The following C1QL3 variants were observed in gnomAD, a reference collection of about 807,000 sequenced individuals.
C1QL3 encodes the protein complement C1q-like protein 3.
A neutral mutation model predicts 16.6 loss-of-function variants in C1QL3; 4 were observed. The ratio of observed to expected loss-of-function variants is 0.24; its 90% CI spans 0.12 to 0.55. C1QL3 has a LOEUF of 0.55. C1QL3 is among the 20% of genes least tolerant of loss of function. The pLI is 0.94. For synonymous variants in C1QL3, 189 were observed against 160.2 expected (o/e 1.18, Z -1.36); for missense variants, 269 against 365.6 (o/e 0.74, Z 2.16).
intron 1 of C1QL3, among the ~76,000 whole-genome samples, chr10:16,517,405 A>G (rs1428566964): frequency 6.6e-6 from 1 of 152,120 alleles, no homozygotes; most frequent in Non-Finnish European, 1.5e-5. Context: ...AAGAGTACCA[A>G]CTGGTCTTTA....
Position 16,519,140 on chromosome 10 carries a change from C to CTGTTTTTTTTT in C1QL3, c.588+1337_588+1338insAAAAAAAAACA, listed in dbSNP as rs1836996489. Among the ~76,000 whole-genome samples, 4 of 39,474 alleles carry CTGTTTTTTTTT rather than the reference C, an allele frequency of 1.0e-4. 1 individual carries two copies. The highest frequency in any genetic ancestry group is 6.2e-4 in the African/African-American group (4 of 6,470). The allele number at this position is 39,474 out of a possible 152,430, so 25.9% of individuals were successfully genotyped here. A position where few individuals can be genotyped will look rare whatever the true frequency, so the allele number is the denominator to read the frequency against. Reference sequence around the variant, plus strand: ...TTTTTTCTCTCTTACGCATTTAGGACTTTTTTTTTTTTTTTTTTGGTCTTT... The same window carrying CTGTTTTTTTTT: ...TTTTTTCTCTCTTACGCATTTAGGACTGTTTTTTTTTTTTTTTTTTTTTTTTTTTGGTCTTT... On this transcript the variant is annotated intron_variant, in intron 1 of 1. Coordinates refer to ENST00000298943, the MANE Select transcript of C1QL3 (RefSeq NM_001010908.2).
In C1QL3 at chr10:16,514,627, C is replaced by G; in HGVS notation, c.669G>C (p.Pro223=). 6.2e-7 allele frequency: 1 copy of G among 1,613,750 alleles called. No homozygotes were observed. Among genetic ancestry groups the G allele is most frequent in the Non-Finnish European group, 8.5e-7 (1 of 1,179,670 alleles). Residue 223 remains proline, a synonymous_variant, in exon 2 of 2, where the codon CCG becomes CCC. Transcript: ENST00000298943. ...CTAATTTGATATAGACTTCATCTCC[C>G]GGCTCCAAATGAAGAACCACACTGT... The part of the protein sequence containing the change: ...ASNSVVLHLE[P]GDEVYIKLDG...
chr10:16,519,377 A>G (rs1050795626), intron 1 of C1QL3, among the ~76,000 whole-genome samples: 2 of 151,694 alleles, frequency 1.3e-5, no homozygotes, highest in Non-Finnish European at 1.5e-5. Flanking sequence ...ATGCCACTCA[A>G]TAAGCAAAGT....
In C1QL3 at chr10:16,521,119, G is replaced by T. The variant is rs1188192822; in HGVS notation, c.-54C>A. 3 of 1,478,710 alleles carry T rather than the reference G, an allele frequency of 2.0e-6. No homozygotes were observed. The highest frequency in any genetic ancestry group is 2.8e-6 in the Non-Finnish European group (3 of 1,090,296). The allele number at this position is 1,478,710 out of a possible 1,614,324, so 91.6% of individuals were successfully genotyped here. A position where few individuals can be genotyped will look rare whatever the true frequency, so the allele number is the denominator to read the frequency against. On this transcript the variant is annotated 5_prime_UTR_variant, in exon 1 of 2. Transcript: ENST00000298943. ...AGGCGCCTCCTGCTGCCCACCAGCC[G>T]GCTCAGCGCGGGGCGATCCTCTTGT...
Position 16,519,299 on chromosome 10 carries a change from G to A in C1QL3, c.588+1179C>T, listed in dbSNP as rs1287738150. Among the ~76,000 whole-genome samples the A allele has an allele frequency of 2.0e-5, 3 of 151,544 alleles. No individual in the cohort carries two copies. The East Asian group carries it at 5.9e-4, about 30-fold the overall frequency. ...AGTTACCTAAAGCCCAATAGACCTC[G>A]TTAAGTCAAAGTTGCTGCAGGAGAG... On this transcript the variant is annotated intron_variant, in intron 1 of 1. Coordinates refer to ENST00000298943, the MANE Select transcript of C1QL3 (RefSeq NM_001010908.2).
chr10:16,516,029 G>C (rs540223729), intron 1 of C1QL3, among the ~76,000 whole-genome samples: 2 of 152,052 alleles, frequency 1.3e-5, no homozygotes, highest in African/African-American at 4.8e-5. Context: ...ATAGTCTCAC[G>C]TTAATGCTGA....
Position 16,520,762 on chromosome 10 carries a change from G to T in C1QL3, c.304C>A (p.Pro102Thr). The T allele has an allele frequency of 1.5e-6, 2 of 1,314,708 alleles. No individual in the cohort carries two copies. The highest frequency in any genetic ancestry group is 5.1e-5 in the South Asian group (2 of 39,478). 81.4% of individuals were successfully genotyped at this position (1,314,708 alleles called of 1,614,324 possible). A position where few individuals can be genotyped will look rare whatever the true frequency, so the allele number is the denominator to read the frequency against. The change falls in exon 1 of 2, where the codon CCG becomes ACG. Residue 102 changes from proline to threonine, a missense_variant. Transcript: ENST00000298943. The surrounding 1 kb of genome is among the most constrained non-coding windows in gnomAD (Gnocchi z 8.3). ...AGGCCGGGCGCCCCGGGCGGGCCCG[G>T]CAGGCCTTGGCGGCCCGGCTCGCCC... ...EKGEPGRQGLPGPPGAPGLNA... is the reference protein window; with the variant it reads ...EKGEPGRQGLTGPPGAPGLNA...
At chr10:16,515,765 T>A (rs947608438) in intron 1 of C1QL3, among the ~76,000 whole-genome samples, 1 of 152,208 alleles carries the variant, frequency 6.6e-6, no homozygotes, top group Admixed American at 6.5e-5. Flanking sequence ...TAGATTTGAT[T>A]TATTTCAGTA....
In C1QL3 at chr10:16,514,511, G is replaced by C. The variant is rs377239962; in HGVS notation, c.*17C>G. 2 of 1,606,026 alleles carry C rather than the reference G, an allele frequency of 1.2e-6. No individual in the cohort carries two copies. The highest frequency in any genetic ancestry group is 1.7e-6 in the Non-Finnish European group (2 of 1,173,988). ...CCAGTGTTCAAACTCAGAATAATAA[G>C]CTTAGTTTCTGCATTATCAGTCAGC... is the stretch of plus-strand genomic sequence containing the variant. On this transcript the variant is annotated 3_prime_UTR_variant, in exon 2 of 2. Coordinates refer to ENST00000298943, the MANE Select transcript of C1QL3 (RefSeq NM_001010908.2).
chr10:16,514,564 G>A lies in C1QL3; in HGVS notation c.732C>T (p.Tyr244=), dbSNP rs1373297037. The A allele has an allele frequency of 6.2e-7, 1 of 1,613,848 alleles. No individual in the cohort carries two copies. Among genetic ancestry groups the A allele is most frequent in the South Asian group, 1.1e-5 (1 of 91,052 alleles). ...GKAHGGNNNK[Y]STFSGFIIYA... is the part of the protein sequence containing the mutation. Reference sequence around the variant, plus strand: ...AAATAATAAATCCAGAAAACGTGCTGTATTTGTTGTTGTTTCCTCCATGGG... The same window carrying A: ...AAATAATAAATCCAGAAAACGTGCTATATTTGTTGTTGTTTCCTCCATGGG... Residue 244 remains tyrosine (Y), a synonymous_variant, in exon 2 of 2, where the codon TAC becomes TAT. Coordinates refer to ENST00000298943, the MANE Select transcript of C1QL3 (RefSeq NM_001010908.2).
At chr10:16,519,609 A>G (rs1460333542) in intron 1 of C1QL3, among the ~76,000 whole-genome samples, 1 of 152,102 alleles carries the variant, frequency 6.6e-6, no homozygotes. Flanking sequence ...ACCCATGCGT[A>G]GCCCTTGTAG....
intron 1 of C1QL3, among the ~76,000 whole-genome samples, chr10:16,515,105 T>A (rs1836929351): frequency 6.6e-6 from 1 of 152,116 alleles, no homozygotes; most frequent in African/African-American, 2.4e-5. Context: ...TCTAATCAGC[T>A]GTTTATGAGT....
At position 16,513,803 on chromosome 10, in the gene C1QL3, A is replaced by T. The variant is rs4747277; in HGVS notation, c.*725T>A. On this transcript the variant is annotated 3_prime_UTR_variant, in exon 2 of 2. Transcript: ENST00000298943. ...TAAGGGCTTTTTCTAAATACCGTAC[A>T]TAATTACACATTTTCACACTTAGAG... 6.5e-6 allele frequency: 1 copy of T among 152,724 alleles called. No homozygotes were observed. Among genetic ancestry groups the T allele is most frequent in the South Asian group, 2.1e-4 (1 of 4,822 alleles). The allele number at this position is 152,724 out of a possible 1,614,324, so 9.5% of individuals were successfully genotyped here. A position where few individuals can be genotyped will look rare whatever the true frequency, so the allele number is the denominator to read the frequency against.
intron 1 of C1QL3, among the ~76,000 whole-genome samples, chr10:16,516,872 T>C (rs751091410): frequency 2.2e-4 from 34 of 152,184 alleles, no homozygotes; most frequent in Non-Finnish European, 4.1e-4. Context: ...TGCTTTTTAA[T>C]GAATGTAATT....
At chr10:16,515,203 A>G (rs1043064801) in intron 1 of C1QL3, among the ~76,000 whole-genome samples, 2 of 150,792 alleles carry the variant, frequency 1.3e-5, no homozygotes, top group Non-Finnish European at 2.9e-5. Context: ...GGAAAATACC[A>G]ACTCCTCTAC....
In C1QL3 at chr10:16,514,084, G is replaced by A; in HGVS notation, c.*444C>T. 2.7e-6 allele frequency: 1 copy of A among 376,672 alleles called. No individual in the cohort carries two copies. The highest frequency in any genetic ancestry group is 4.7e-6 in the Non-Finnish European group (1 of 212,094). 23.3% of individuals were successfully genotyped at this position (376,672 alleles called of 1,614,324 possible). On this transcript the variant is annotated 3_prime_UTR_variant, in exon 2 of 2. Transcript: ENST00000298943. ...TTTCAATTAGACCTTCTCCTGCAGGGCAAAAATCATTCTTCCCCACACTAT... is the reference window on the plus strand; with the variant it reads ...TTTCAATTAGACCTTCTCCTGCAGGACAAAAATCATTCTTCCCCACACTAT...
At chr10:16,519,190 G>A (rs1836999967) in intron 1 of C1QL3, among the ~76,000 whole-genome samples, 1 of 85,190 alleles carries the variant, frequency 1.2e-5, no homozygotes, top group Non-Finnish European at 2.2e-5. Flanking sequence ...TTCTGACACT[G>A]AAGTAGGTCT....
intron 1 of C1QL3, among the ~76,000 whole-genome samples, chr10:16,516,449 T>C (rs1296908499): frequency 1.3e-5 from 2 of 152,184 alleles, no homozygotes; most frequent in Non-Finnish European, 2.9e-5. Flanking sequence ...CATCTTTGGA[T>C]TTTTAATGGT....
chr10:16,518,936 T>G (rs1287261539), intron 1 of C1QL3, among the ~76,000 whole-genome samples: 3 of 152,092 alleles, frequency 2.0e-5, no homozygotes, highest in Non-Finnish European at 4.4e-5. Flanking sequence ...TGCCTATAAC[T>G]GTTTTACTGT....
Sources: gnomAD v4.1 joint callset for allele counts (sites outside exome capture counted in the v4.1 genomes callset) on GRCh38, gnomAD v4.1.1 for gene constraint, Gnocchi (gnomAD v3.1) non-coding constraint, MANE v1.5 for transcripts, NCBI Gene and HGNC (gene_info 2026-07-23, HGNC 2026-07-21) for gene names.